The following MBP variants were observed in gnomAD, a reference collection of about 807,000 sequenced individuals.
MBP encodes the protein Golli-MBP.
Under a neutral mutation model 35.8 loss-of-function variants are expected in MBP, and 16 were observed. The observed-to-expected ratio is 0.45, with a 90% confidence interval of 0.30 to 0.68. The LOEUF is 0.68. MBP is among the 30% of genes least tolerant of loss of function. The pLI is 0.08. For synonymous variants in MBP, 143 were observed against 159.6 expected (o/e 0.90, Z 0.78); for missense variants, 380 against 404.7 (o/e 0.94, Z 0.52).
At chr18:77,048,172 G>GCACCCCAC (rs1973331890) in intron 3 of MBP, among the ~76,000 whole-genome samples, 1 of 152,240 alleles carries the variant, frequency 6.6e-6, no homozygotes, top group Admixed American at 6.5e-5. Flanking sequence ...CAGGAAGACA[G>GCACCCCAC]CTGTAGGCAG....
chr18:77,016,047 T>C, intron 4 of MBP: 2 of 985,358 alleles, frequency 2.0e-6, no homozygotes, highest in Non-Finnish European at 1.2e-6. Flanking sequence ...GCATCTGCAA[T>C]CTGAATGGCA....
rs370587502 is a variant in MBP, at chr18:77,112,169, G to GCGCA, written c.-25-6884_-25-6883insTGCG. On this transcript the variant is annotated intron_variant, in intron 1 of 8. Coordinates refer to ENST00000355994, the MANE Select transcript of MBP (RefSeq NM_001025101.2). ...CCCGTAGAATGAACACCGTGCACAC[G>GCGCA]CACACACACACACACACACACGTGC... Among the ~76,000 whole-genome samples the GCGCA allele has an allele frequency of 1.9e-3, 285 of 150,838 alleles. 1 individual carries two copies. Among genetic ancestry groups the GCGCA allele is most frequent in the East Asian group, 9.1e-3 (46 of 5,046 alleles).
chr18:77,005,931 G>A (rs370348483), intron 4 of MBP: 3 of 152,258 alleles, frequency 2.0e-5, no homozygotes, highest in Non-Finnish European at 4.4e-5. Flanking sequence ...TCAGCACAAC[G>A]TTCCAAAGCA....
intron 4 of MBP, among the ~76,000 whole-genome samples, chr18:77,002,146 G>T (rs180810740): frequency 7.2e-5 from 11 of 152,294 alleles, no homozygotes; most frequent in Admixed American, 4.6e-4. Context: ...TGGAGTTGCC[G>T]CCTGGAGACC....
At chr18:76,984,420 T>A in intron 8 of MBP, 1 of 269,090 alleles carries the variant, frequency 3.7e-6, no homozygotes, top group East Asian at 9.3e-5. Flanking sequence ...CACCCACGTC[T>A]GCTTGACTCC....
chr18:77,129,231 C>T (rs1037625937), intron 1 of MBP, among the ~76,000 whole-genome samples: 4 of 152,246 alleles, frequency 2.6e-5, no homozygotes, highest in South Asian at 2.1e-4. Context: ...CTCAGACCAA[C>T]GCAGTGCTAT....
rs546506249 is a variant in MBP at position 76,990,796 on chromosome 18, T to C, written c.577-736A>G. The C allele has an allele frequency of 6.4e-4, 143 of 222,522 alleles. 2 individuals carry two copies. Among genetic ancestry groups the C allele is most frequent in the South Asian group, 4.6e-3 (112 of 24,374 alleles). The allele number at this position is 222,522 out of a possible 1,614,324, so 13.8% of individuals were successfully genotyped here. ...ATCTGGATTTTTTAAGGGCTTCTACTAGGAAGCCACAGATGAGCCACCAGA... is the reference window on the plus strand; with the variant it reads ...ATCTGGATTTTTTAAGGGCTTCTACCAGGAAGCCACAGATGAGCCACCAGA... On this transcript the variant is annotated intron_variant, in intron 4 of 8. Transcript: ENST00000355994.
At chr18:77,070,122 G>A (rs1974378246) in intron 2 of MBP, among the ~76,000 whole-genome samples, 1 of 152,182 alleles carries the variant, frequency 6.6e-6, no homozygotes, top group East Asian at 1.9e-4. Context: ...TAATGCAGAT[G>A]ATGTGTCAAA....
chr18:77,119,016 G>A (rs1976803604), intron 1 of MBP, among the ~76,000 whole-genome samples: 2 of 145,602 alleles, frequency 1.4e-5, no homozygotes, highest in African/African-American at 2.6e-5. Flanking sequence ...GCTGTGAGAC[G>A]CTGCCCGGCA....
chr18:76,998,393 G>A (rs1970444105), intron 4 of MBP, among the ~76,000 whole-genome samples: 1 of 152,216 alleles, frequency 6.6e-6, no homozygotes, highest in Non-Finnish European at 1.5e-5. Flanking sequence ...TGCGCGGATT[G>A]CTTTCTGCTC....
At chr18:77,088,839 C>T (rs539570651) in intron 2 of MBP, among the ~76,000 whole-genome samples, 21 of 152,286 alleles carry the variant, frequency 1.4e-4, no homozygotes, top group Non-Finnish European at 2.6e-4. Context: ...TGAAGATGTC[C>T]TTATTTGGAA....
chr18:77,008,146 T>C (rs1488839854), intron 4 of MBP, among the ~76,000 whole-genome samples: 1 of 152,144 alleles, frequency 6.6e-6, no homozygotes, highest in Non-Finnish European at 1.5e-5. Context: ...CGTCACACAC[T>C]GGGTGCTGTG....
intron 3 of MBP, among the ~76,000 whole-genome samples, chr18:77,063,487 G>T (rs1974069210): frequency 1.3e-5 from 2 of 152,158 alleles, no homozygotes; most frequent in Admixed American, 1.3e-4. Flanking sequence ...CAGCTGCAAA[G>T]GCCTGAAGGT....
At chr18:77,030,288 C>A (rs996782570) in intron 3 of MBP, among the ~76,000 whole-genome samples, 1 of 152,164 alleles carries the variant, frequency 6.6e-6, no homozygotes, top group African/African-American at 2.4e-5. Flanking sequence ...GCAGAAAGTA[C>A]TGGAAGGAGA....
chr18:77,118,608 G>A (rs923383891), intron 1 of MBP, among the ~76,000 whole-genome samples: 4 of 114,580 alleles, frequency 3.5e-5, no homozygotes, highest in African/African-American at 1.2e-4. Context: ...ACACTCCACA[G>A]ACACCACACA....
chr18:77,069,137 T>C (rs1471646626), intron 2 of MBP: 4 of 447,656 alleles, frequency 8.9e-6, no homozygotes, highest in Admixed American at 7.1e-5. Flanking sequence ...AACAGTGCCT[T>C]ACACACCTTC....
intron 3 of MBP, among the ~76,000 whole-genome samples, chr18:77,042,521 C>G (rs114584220): frequency 1.3e-5 from 2 of 152,218 alleles, no homozygotes; most frequent in African/African-American, 4.8e-5. Context: ...ACCATTAATA[C>G]GTATTCTGTA....
chr18:77,019,563 T>A (rs977912758), intron 3 of MBP, among the ~76,000 whole-genome samples: 22 of 152,308 alleles, frequency 1.4e-4, no homozygotes, highest in African/African-American at 5.1e-4. Flanking sequence ...CATCTCAACT[T>A]GAGCTTTCTG....
Position 76,988,701 on chromosome 18 carries a change from A to T in MBP, c.718-174T>A. 1 of 1,354,534 alleles carries T rather than the reference A, an allele frequency of 7.4e-7. No individual in the cohort carries two copies. Among genetic ancestry groups the T allele is most frequent in the Admixed American group, 2.2e-5 (1 of 45,560 alleles). 83.9% of individuals were successfully genotyped at this position (1,354,534 alleles called of 1,614,324 possible). On this transcript the variant is annotated intron_variant, in intron 6 of 8. Coordinates refer to ENST00000355994, the MANE Select transcript of MBP (RefSeq NM_001025101.2). The surrounding 1 kb of genome is among the most constrained non-coding windows in gnomAD (Gnocchi z 5.2). ...GCCACAGCGGCTGTGCAGGTGCGGG[A>T]GGGACAGGAGGGGTGCATGGATCTG...
Sources: gnomAD v4.1 joint callset for allele counts (sites outside exome capture counted in the v4.1 genomes callset) on GRCh38, gnomAD v4.1.1 for gene constraint, Gnocchi (gnomAD v3.1) non-coding constraint, MANE v1.5 for transcripts, NCBI Gene and HGNC (gene_info 2026-07-23, HGNC 2026-07-21) for gene names.